GRM7: variants seen among roughly 807,000 people sequenced by gnomAD.
GRM7 encodes the protein glutamate metabotropic receptor 7.
Under a neutral mutation model 84.5 loss-of-function variants are expected in GRM7, and 35 were observed. That is an observed-to-expected ratio of 0.41 (90% CI 0.32 to 0.55). GRM7 has a LOEUF of 0.55. Ranked by LOEUF, GRM7 falls within the 20% of genes least tolerant of loss-of-function variation. The probability of loss-of-function intolerance (pLI) is 0.19; values close to 1 mark genes in which losing one functional copy is unlikely to be tolerated. For synonymous variants in GRM7, 487 were observed against 455.1 expected (o/e 1.07, Z -0.89); for missense variants, 1,003 against 1,194.6 (o/e 0.84, Z 2.36).
chr3:7,693,548 G>T, intron 9 of GRM7: 1 of 819,020 alleles, frequency 1.2e-6, no homozygotes, highest in South Asian at 1.4e-5. Flanking sequence ...CCTCATTTTT[G>T]TCATGTTTGC....
chr3:6,910,899 A>T (rs1236243461), intron 1 of GRM7, among the ~76,000 whole-genome samples: 1 of 152,128 alleles, frequency 6.6e-6, no homozygotes, highest in Admixed American at 6.6e-5. Flanking sequence ...CATCTAACAG[A>T]GTTCTATATT....
At chr3:6,929,545 C>A (rs1697425002) in intron 1 of GRM7, among the ~76,000 whole-genome samples, 1 of 151,844 alleles carries the variant, frequency 6.6e-6, no homozygotes, top group African/African-American at 2.4e-5. Flanking sequence ...TTTTTTTTCC[C>A]AGGGACAAGA....
intron 8 of GRM7, among the ~76,000 whole-genome samples, chr3:7,633,388 G>T (rs1261196743): frequency 6.6e-6 from 1 of 152,160 alleles, no homozygotes; most frequent in East Asian, 1.9e-4. Context: ...AGCAAGTGAT[G>T]GAGCCAGAGT....
chr3:7,163,801 G>A (rs183839692), intron 2 of GRM7, among the ~76,000 whole-genome samples: 1 of 152,340 alleles, frequency 6.6e-6, no homozygotes, highest in East Asian at 1.9e-4. Context: ...TACTTTCAAA[G>A]AAAGTATCTC....
chr3:7,503,606 G>C (rs1575425500), intron 7 of GRM7, among the ~76,000 whole-genome samples: 1 of 152,130 alleles, frequency 6.6e-6, no homozygotes. Context: ...CGCCCACTCT[G>C]TACATGCACT....
chr3:7,010,096 G>A (rs1695316924), intron 1 of GRM7, among the ~76,000 whole-genome samples: 1 of 152,094 alleles, frequency 6.6e-6, no homozygotes, highest in African/African-American at 2.4e-5. Context: ...GCAGGGTGTG[G>A]GCCAGTAGAT....
rs867336917 is a variant in GRM7 at position 7,000,190 on chromosome 3, T to A, written c.519+138283T>A. Among the ~76,000 whole-genome samples the A allele has an allele frequency of 5.3e-3, 493 of 92,812 alleles. 3 individuals are homozygous for A. Among genetic ancestry groups the A allele is most frequent in the Middle Eastern group, 0.016 (2 of 124 alleles). The allele number at this position is 92,812 out of a possible 152,430, so 60.9% of individuals were successfully genotyped here. A position where few individuals can be genotyped will look rare whatever the true frequency, so the allele number is the denominator to read the frequency against. On this transcript the variant is annotated intron_variant, in intron 1 of 9. Coordinates refer to ENST00000357716, the MANE Select transcript of GRM7 (RefSeq NM_000844.4). Reference sequence around the variant, plus strand: ...TGACTTTTTTTTTTTTTTTTTTTTTTAGACAGAATTCCGCTCTGTCACCCA... The same window carrying A: ...TGACTTTTTTTTTTTTTTTTTTTTTAAGACAGAATTCCGCTCTGTCACCCA...
chr3:7,697,052 T>C (rs1701049044), intron 9 of GRM7, among the ~76,000 whole-genome samples: 1 of 152,084 alleles, frequency 6.6e-6, no homozygotes, highest in Non-Finnish European at 1.5e-5. Flanking sequence ...AGCTGTTAAA[T>C]GGCCAGATAA....
intron 7 of GRM7, among the ~76,000 whole-genome samples, chr3:7,466,110 T>A (rs887920332): frequency 6.6e-6 from 1 of 152,212 alleles, no homozygotes; most frequent in Non-Finnish European, 1.5e-5. Flanking sequence ...CAAGAAACTT[T>A]ATGAAATACT....
intron 1 of GRM7, among the ~76,000 whole-genome samples, chr3:7,089,386 T>G (rs752536414): frequency 4.6e-5 from 7 of 152,204 alleles, no homozygotes; most frequent in Non-Finnish European, 7.3e-5. Context: ...TTAAGGCTGT[T>G]TGTGTTTCTT....
chr3:7,265,217 T>C (rs1258078913), intron 2 of GRM7, among the ~76,000 whole-genome samples: 1 of 152,168 alleles, frequency 6.6e-6, no homozygotes, highest in African/African-American at 2.4e-5. Flanking sequence ...TCTGGACATA[T>C]TTGGAATGGA....
In GRM7 at chr3:7,578,833, A is replaced by T. The variant is rs1344837828; in HGVS notation, c.1927A>T (p.Thr643Ser). The change falls in exon 8 of 10, where the codon ACT (threonine) becomes TCT (serine). Residue 643 changes from threonine (T) to serine (S), a missense_variant. Physicochemically the swap from Thr to Ser is moderately conservative, Grantham distance 58. This residue lies in a region of GRM7 where 910 missense variants were observed against 1,126.0 expected (regional missense o/e 0.81). Coordinates refer to ENST00000357716, the MANE Select transcript of GRM7 (RefSeq NM_000844.4). ...GGGCATCTTTCTTTGCTACATCATC[A>T]CTTTCCTGATGATTGCCAAACCAGA... ...LTGIFLCYIITFLMIAKPDVA... is the reference protein window; with the variant it reads ...LTGIFLCYIISFLMIAKPDVA... 1 of 1,613,982 alleles carries T rather than the reference A, an allele frequency of 6.2e-7. No individual in the cohort carries two copies.
chr3:7,309,476 G>T (rs918150153), intron 4 of GRM7, among the ~76,000 whole-genome samples: 9 of 152,028 alleles, frequency 5.9e-5, no homozygotes, highest in African/African-American at 2.2e-4. Context: ...AAATATTCAT[G>T]ATACTGCTCC....
intron 2 of GRM7, among the ~76,000 whole-genome samples, chr3:7,235,843 G>A (rs1455314094): frequency 1.3e-5 from 2 of 152,182 alleles, no homozygotes; most frequent in Admixed American, 1.3e-4. Context: ...TGAAAAAAAT[G>A]TTTGGCTAAA....
intron 4 of GRM7, among the ~76,000 whole-genome samples, chr3:7,323,764 T>A (rs1700876617): frequency 1.3e-5 from 2 of 152,210 alleles, no homozygotes; most frequent in Non-Finnish European, 2.9e-5. Context: ...TCTAAAACAA[T>A]GTTAATGATT....
At chr3:7,666,362 A>C (rs3933923) in intron 8 of GRM7, among the ~76,000 whole-genome samples, 1,725 of 152,288 alleles carry the variant, frequency 0.011, 35 homozygotes, top group East Asian at 0.089. Flanking sequence ...TTCAAGAGAG[A>C]CTAGCTAAAA....
At chr3:7,051,089 G>C (rs1696983690) in intron 1 of GRM7, among the ~76,000 whole-genome samples, 1 of 151,592 alleles carries the variant, frequency 6.6e-6, no homozygotes, top group Non-Finnish European at 1.5e-5. Context: ...TATTTTCTTA[G>C]AGTTTGGGGA....
At chr3:7,332,713 ACC>A (rs1276447739) in intron 4 of GRM7, among the ~76,000 whole-genome samples, 5 of 152,172 alleles carry the variant, frequency 3.3e-5, no homozygotes, top group African/African-American at 9.6e-5. Flanking sequence ...ACAGGAACAT[ACC>A]AGGAAAACTG....
At chr3:7,323,985 T>G (rs1700885078) in intron 4 of GRM7, among the ~76,000 whole-genome samples, 1 of 152,178 alleles carries the variant, frequency 6.6e-6, no homozygotes, top group African/African-American at 2.4e-5. Flanking sequence ...ACCCTTGCTT[T>G]CTTTAAATCT....
Sources: gnomAD v4.1 joint callset for allele counts (sites outside exome capture counted in the v4.1 genomes callset) on GRCh38, gnomAD v4.1.1 for gene constraint, gnomAD v4.1.1 regional missense constraint, MANE v1.5 for transcripts, NCBI Gene and HGNC (gene_info 2026-07-23, HGNC 2026-07-21) for gene names.